DNAH11: variants seen among roughly 807,000 people sequenced by gnomAD.
The protein encoded by DNAH11 is axonemal beta dynein heavy chain 11.
A neutral mutation model predicts 526.0 loss-of-function variants in DNAH11; 442 were observed. That is an observed-to-expected ratio of 0.84 (90% CI 0.78 to 0.91). The LOEUF (loss-of-function observed/expected upper bound fraction) is 0.91. Ranked by LOEUF, DNAH11 falls within the 40% of genes least tolerant of loss-of-function variation. The pLI, the probability that DNAH11 is intolerant of heterozygous loss-of-function variation, is 0.00. For missense variants in DNAH11, 6,989 were observed against 5,448.7 expected, an observed-to-expected ratio of 1.28 and a Z score of -8.90; for synonymous variants, 2,461 against 1,935.9, an observed-to-expected ratio of 1.27 and a Z score of -7.12.
rs1238434686 is a variant in DNAH11 at position 21,868,716 on chromosome 7, T to C, written c.11840-148T>C. 1.2e-5 allele frequency: 12 copies of C among 1,011,962 alleles called. No individual in the cohort carries two copies. In the South Asian group the frequency reaches 1.5e-4, roughly 13 times the overall value. The allele number at this position is 1,011,962 out of a possible 1,614,324, so 62.7% of individuals were successfully genotyped here. A position where few individuals can be genotyped will look rare whatever the true frequency, so the allele number is the denominator to read the frequency against. On this transcript the variant is annotated intron_variant, in intron 72 of 81. Transcript: ENST00000409508. ...GAGAGCTCAAAATGCTGCTTGTGGA[T>C]ACAACAGAAGTTTCTTTGGGATTCT...
chr7:21,827,793 T>G (rs1427709150), intron 65 of DNAH11, among the ~76,000 whole-genome samples: 1 of 152,144 alleles, frequency 6.6e-6, no homozygotes, highest in Non-Finnish European at 1.5e-5. Flanking sequence ...TTATTATGTT[T>G]CTGTTCTTGG....
chr7:21,569,631 GCT>G (rs1450705674), intron 6 of DNAH11, among the ~76,000 whole-genome samples: 1 of 152,150 alleles, frequency 6.6e-6, no homozygotes, highest in Non-Finnish European at 1.5e-5. Context: ...CTCCTAATCA[GCT>G]CTTTCTCTTT....
intron 54 of DNAH11, among the ~76,000 whole-genome samples, chr7:21,756,237 T>C (rs1178531373): frequency 6.6e-6 from 1 of 152,118 alleles, no homozygotes; most frequent in Non-Finnish European, 1.5e-5. Flanking sequence ...GCTTTCCTAC[T>C]GTTCCACCCC....
intron 29 of DNAH11, among the ~76,000 whole-genome samples, chr7:21,658,235 C>A (rs1160796313): frequency 1.3e-5 from 2 of 151,860 alleles, no homozygotes; most frequent in Non-Finnish European, 2.9e-5. Flanking sequence ...TAATTTCTGA[C>A]AAGTGTGAAG....
At chr7:21,748,839 G>A in intron 52 of DNAH11, 97 bp downstream of exon 52, 1 of 1,321,236 alleles carries the variant, frequency 7.6e-7, no homozygotes, top group Non-Finnish European at 1.0e-6. Flanking sequence ...TCCCAGATTT[G>A]GCCAAGGCCT....
chr7:21,882,060 G>C (rs1368087114), intron 75 of DNAH11, among the ~76,000 whole-genome samples: 1 of 152,082 alleles, frequency 6.6e-6, no homozygotes, highest in Non-Finnish European at 1.5e-5. Flanking sequence ...ACAGTTCTAG[G>C]TAGAAAAAGG....
In DNAH11 at chr7:21,766,079, C is replaced by T. The variant is rs1787174480; in HGVS notation, c.9102+490C>T. 3.9e-5 allele frequency among the ~76,000 whole-genome samples: 6 copies of T among 152,160 alleles called. No individual in the cohort carries two copies. The South Asian group carries it at 1.2e-3, about 32-fold the overall frequency. The stretch of plus-strand genomic sequence containing the variant: ...AAAATCAGCCCCTGTATCCCATAAC[C>T]ACTAAGTCAAATAATATATCTACTT... On this transcript the variant is annotated intron_variant, in intron 55 of 81. Transcript: ENST00000409508.
At chr7:21,717,489 TC>T (rs1784711542) in intron 42 of DNAH11, among the ~76,000 whole-genome samples, 1 of 152,182 alleles carries the variant, frequency 6.6e-6, no homozygotes, top group South Asian at 2.1e-4. Flanking sequence ...ATAGTGCACT[TC>T]CTCATAAATG....
intron 74 of DNAH11, among the ~76,000 whole-genome samples, chr7:21,875,867 A>C (rs1783686395): frequency 6.7e-6 from 1 of 149,598 alleles, no homozygotes; most frequent in Non-Finnish European, 1.5e-5. Flanking sequence ...AACTTCAAGG[A>C]AGAATATTTC....
At chr7:21,816,109 G>A (rs184027856) in intron 63 of DNAH11, among the ~76,000 whole-genome samples, 1 of 152,060 alleles carries the variant, frequency 6.6e-6, no homozygotes, top group African/African-American at 2.4e-5. Flanking sequence ...ATGTGGGGGT[G>A]GGGGGCATGG....
Position 21,561,094 on chromosome 7 carries a change from A to C in DNAH11, c.906A>C (p.Lys302Asn). ...YDQLQAPVVLKMVKILTTKQS... is the reference protein window; with the variant it reads ...YDQLQAPVVLNMVKILTTKQS... Reference sequence around the variant, plus strand: ...AGCTTCAGGCACCTGTTGTCCTCAAAATGGTTAAGATCCTGACAACTAAAC... The same window carrying C: ...AGCTTCAGGCACCTGTTGTCCTCAACATGGTTAAGATCCTGACAACTAAAC... The change falls in exon 5 of 82, where the codon AAA becomes AAC. Residue 302 changes from lysine to asparagine, a missense_variant. Physicochemically the swap from Lys to Asn is moderately conservative, Grantham distance 94 (BLOSUM62 0). Transcript: ENST00000409508. The C allele has an allele frequency of 6.2e-7, 1 of 1,602,044 alleles. No homozygotes were observed.
chr7:21,874,964 A>T (rs1308097471), intron 74 of DNAH11, among the ~76,000 whole-genome samples: 1 of 152,184 alleles, frequency 6.6e-6, no homozygotes, highest in Non-Finnish European at 1.5e-5. Flanking sequence ...GAAGCATGTT[A>T]ACATCCTTAG....
rs190255749 is a variant in DNAH11 at position 21,806,814 on chromosome 7, T to C, written c.10166-1069T>C. Among the ~76,000 whole-genome samples, 211 of 152,336 alleles carry C rather than the reference T, an allele frequency of 1.4e-3. 1 individual carries two copies. Among genetic ancestry groups the C allele is most frequent in the Non-Finnish European group, 2.2e-3 (153 of 68,034 alleles). ...TTATTGCAGTTTTATTCAAATCCAA[T>C]ATTAAGGGCTTCACATACTTAACCT... On this transcript the variant is annotated intron_variant, in intron 62 of 81. Transcript: ENST00000409508.
In DNAH11 at chr7:21,683,535, G is replaced by A. The variant is rs144476997; in HGVS notation, c.5461-249G>A. On this transcript the variant is annotated intron_variant, in intron 31 of 81. Coordinates refer to ENST00000409508, the MANE Select transcript of DNAH11 (RefSeq NM_001277115.2). ...ATCCCCTGGGGTGATTCATAAAAGA[G>A]GAAAAAGCATTGCTTGAAGAAATTC... 2.3e-3 allele frequency among the ~76,000 whole-genome samples: 347 copies of A among 152,234 alleles called. 2 individuals carry two copies. Among genetic ancestry groups the A allele is most frequent in the African/African-American group, 7.5e-3 (313 of 41,540 alleles).
intron 43 of DNAH11, among the ~76,000 whole-genome samples, chr7:21,718,527 G>T (rs1687528814): frequency 6.6e-6 from 1 of 152,090 alleles, no homozygotes; most frequent in Non-Finnish European, 1.5e-5. Flanking sequence ...ATATCCCAGG[G>T]ATATATTTTT....
At chr7:21,795,287 C>G (rs1237229890) in intron 61 of DNAH11, among the ~76,000 whole-genome samples, 1 of 152,220 alleles carries the variant, frequency 6.6e-6, no homozygotes, top group East Asian at 1.9e-4. Context: ...CTAGTGGGTA[C>G]TGACCTTTGC....
intron 29 of DNAH11, among the ~76,000 whole-genome samples, chr7:21,657,371 ATTG>A (rs1172751858): frequency 6.6e-6 from 1 of 152,094 alleles, no homozygotes. Flanking sequence ...GGAGGTAGCA[ATTG>A]TTGTTATAGG....
chr7:21,610,647 C>A (rs954226838), intron 20 of DNAH11, among the ~76,000 whole-genome samples: 2 of 151,496 alleles, frequency 1.3e-5, no homozygotes, highest in Non-Finnish European at 2.9e-5. Context: ...TTGAGACTAT[C>A]AACCATGATC....
chr7:21,571,436 T>C (rs1783885566), intron 7 of DNAH11, among the ~76,000 whole-genome samples: 1 of 151,960 alleles, frequency 6.6e-6, no homozygotes, highest in South Asian at 2.1e-4. Context: ...CACGCCACCA[T>C]GCCTAGTTAA....
Sources: allele counts gnomAD v4.1 joint callset (sites outside exome capture counted in the v4.1 genomes callset), GRCh38; gene constraint gnomAD v4.1.1; transcripts MANE v1.5; gene names NCBI Gene and HGNC (gene_info 2026-07-23, HGNC 2026-07-21).